RPH3A: variants seen among roughly 807,000 people sequenced by gnomAD.
RPH3A encodes the protein rabphilin 3A, also known as rabphilin-3A.
Under a neutral mutation model 102.2 loss-of-function variants are expected in RPH3A, and 48 were observed. The ratio of observed to expected loss-of-function variants is 0.47; its 90% CI spans 0.37 to 0.60. The LOEUF is 0.60. RPH3A is among the 20% of genes least tolerant of loss of function. RPH3A has a pLI of 0.00. For synonymous variants in RPH3A, 310 were observed against 324.3 expected (o/e 0.96, Z 0.47); for missense variants, 781 against 910.1 (o/e 0.86, Z 1.83).
At chr12:112,732,747 G>A (rs142840834) in intron 1 of RPH3A, among the ~76,000 whole-genome samples, 50 of 152,288 alleles carry the variant, frequency 3.3e-4, no homozygotes, top group African/African-American at 1.2e-3. Context: ...TGTATACTCA[G>A]CATTTGTTGA....
At chr12:112,694,447 C>T (rs772793663) in intron 1 of RPH3A, among the ~76,000 whole-genome samples, 2 of 152,092 alleles carry the variant, frequency 1.3e-5, no homozygotes, top group Non-Finnish European at 2.9e-5. Flanking sequence ...CAAGTGGGAC[C>T]TCTTATTTCT....
At chr12:112,736,159 CTTT>C (rs1361571443) in intron 1 of RPH3A, among the ~76,000 whole-genome samples, 1 of 152,162 alleles carries the variant, frequency 6.6e-6, no homozygotes, top group African/African-American at 2.4e-5. Context: ...GTTGTGGGAG[CTTT>C]CCTGGGCATT....
intron 18 of RPH3A, among the ~76,000 whole-genome samples, 158 bp downstream of exon 18, chr12:112,890,238 T>C (rs1040218431): frequency 6.6e-6 from 1 of 152,188 alleles, no homozygotes; most frequent in Non-Finnish European, 1.5e-5. Flanking sequence ...CCACAAGTGA[T>C]GTCCTCTCCA....
intron 5 of RPH3A, among the ~76,000 whole-genome samples, chr12:112,858,574 CA>C (rs2042453521): frequency 1.3e-5 from 2 of 152,310 alleles, no homozygotes; most frequent in South Asian, 4.1e-4. Context: ...ACTTGTCCTT[CA>C]GGGGACTTAT....
At chr12:112,650,280 T>C (rs2039964313) in intron 1 of RPH3A, among the ~76,000 whole-genome samples, 1 of 152,188 alleles carries the variant, frequency 6.6e-6, no homozygotes, top group Admixed American at 6.5e-5. Flanking sequence ...AATGATTCAA[T>C]GAAGGTCACA....
chr12:112,643,883 C>T (rs2039907949), intron 1 of RPH3A, among the ~76,000 whole-genome samples: 1 of 152,210 alleles, frequency 6.6e-6, no homozygotes, highest in Admixed American at 6.5e-5. Context: ...TATCACAGCA[C>T]TATTCACAAA....
intron 1 of RPH3A, among the ~76,000 whole-genome samples, chr12:112,654,648 C>A (rs529662909): frequency 2.0e-5 from 3 of 152,160 alleles, no homozygotes; most frequent in African/African-American, 4.8e-5. Context: ...GGTGACATCA[C>A]CCCAAGCCTC....
chr12:112,754,085 A>G (rs1399531980), intron 1 of RPH3A, among the ~76,000 whole-genome samples: 1 of 152,168 alleles, frequency 6.6e-6, no homozygotes, highest in African/African-American at 2.4e-5. Context: ...CTGACAATCC[A>G]TTTGGCTTCT....
intron 1 of RPH3A, among the ~76,000 whole-genome samples, chr12:112,730,585 A>G (rs2040625675): frequency 6.6e-6 from 1 of 152,168 alleles, no homozygotes; most frequent in African/African-American, 2.4e-5. Context: ...TCTCCGCCCA[A>G]TCCTGCTTCC....
chr12:112,611,812 A>G (rs2135974629), intron 1 of RPH3A, among the ~76,000 whole-genome samples: 1 of 151,536 alleles, frequency 6.6e-6, no homozygotes, highest in East Asian at 1.9e-4. Flanking sequence ...TGTAACTAGC[A>G]TTGTCCTAGC....
At chr12:112,871,772 TAATATAA>T (rs751308303) in intron 10 of RPH3A, among the ~76,000 whole-genome samples, 22 of 149,194 alleles carry the variant, frequency 1.5e-4, no homozygotes, top group Non-Finnish European at 1.6e-4. Context: ...ACAGTATATA[TAATATAA>T]AATATACAAT....
chr12:112,615,169 G>T (rs2039669196), intron 1 of RPH3A, among the ~76,000 whole-genome samples: 2 of 152,090 alleles, frequency 1.3e-5, no homozygotes, highest in Non-Finnish European at 1.5e-5. Context: ...AAATACCTAA[G>T]GCATGACATG....
intron 1 of RPH3A, among the ~76,000 whole-genome samples, chr12:112,777,407 C>A (rs1351619364): frequency 6.6e-6 from 1 of 152,202 alleles, no homozygotes; most frequent in Non-Finnish European, 1.5e-5. Flanking sequence ...AATAAAAGAG[C>A]AAGTCTGTTG....
chr12:112,610,149 G>C (rs2039628056), intron 1 of RPH3A, among the ~76,000 whole-genome samples: 1 of 152,122 alleles, frequency 6.6e-6, no homozygotes, highest in Non-Finnish European at 1.5e-5. Context: ...TGCATTTGCT[G>C]TTCCTTCTGG....
At chr12:112,629,132 C>A (rs2039785819) in intron 1 of RPH3A, among the ~76,000 whole-genome samples, 1 of 152,056 alleles carries the variant, frequency 6.6e-6, no homozygotes, top group Non-Finnish European at 1.5e-5. Flanking sequence ...TAATCACAAA[C>A]CAGAAAGGGA....
At position 112,719,099 on chromosome 12, in the gene RPH3A, G is replaced by A. The variant is rs2040533658; in HGVS notation, c.-139-73044G>A. Among the ~76,000 whole-genome samples the A allele has an allele frequency of 2.6e-5, 4 of 152,260 alleles. No individual in the cohort carries two copies. The South Asian group carries it at 8.3e-4, about 32-fold the overall frequency. ...GAGGGGTGCTACTGGCATATGGTGG[G>A]TAGAAGAAAGCTGCTAAATATCCTA... On this transcript the variant is annotated intron_variant, in intron 1 of 21. Coordinates refer to the RPH3A transcript ENST00000543106.
intron 1 of RPH3A, among the ~76,000 whole-genome samples, chr12:112,630,057 TG>T (rs1200209532): frequency 6.6e-6 from 1 of 152,014 alleles, no homozygotes; most frequent in Non-Finnish European, 1.5e-5. Flanking sequence ...CCATATGTTT[TG>T]TTTTTGCCTT....
chr12:112,584,971 C>T (rs943088786), intron 1 of RPH3A, among the ~76,000 whole-genome samples: 4 of 152,178 alleles, frequency 2.6e-5, no homozygotes, highest in African/African-American at 7.2e-5. Context: ...AGTCCCAAAA[C>T]CTCAAAAGTA....
At chr12:112,631,098 T>C (rs1316800043) in intron 1 of RPH3A, among the ~76,000 whole-genome samples, 1 of 152,124 alleles carries the variant, frequency 6.6e-6, no homozygotes, top group Non-Finnish European at 1.5e-5. Flanking sequence ...AGGTGCACAG[T>C]GGGTAACTCA....
Sources: gnomAD v4.1 joint callset for allele counts (sites outside exome capture counted in the v4.1 genomes callset) on GRCh38, gnomAD v4.1.1 for gene constraint, MANE v1.5 for transcripts, NCBI Gene and HGNC (gene_info 2026-07-23, HGNC 2026-07-21) for gene names.